Variants in OR1J2 observed in about 807,000 individuals in gnomAD.
OR1J2 encodes olfactory receptor 1J2.
For missense variants in OR1J2, 304 were observed against 246.1 expected, an observed-to-expected ratio of 1.24 and a Z score of -1.57; for synonymous variants, 142 against 99.7, an observed-to-expected ratio of 1.42 and a Z score of -2.52.
At chr9:122,453,606 T>G in the OR1J2 span, among the ~76,000 whole-genome samples, 2 of 152,210 alleles carry the variant, frequency 1.3e-5, no homozygotes, top group Non-Finnish European at 1.5e-5. Context: ...TCAGTTCAAG[T>G]ATCCCAAAGG....
At chr9:122,571,059 ATGT>A in the OR1J2 span, among the ~76,000 whole-genome samples, 4 of 152,192 alleles carry the variant, frequency 2.6e-5, no homozygotes, top group African/African-American at 9.6e-5. Flanking sequence ...CATTGGTGCT[ATGT>A]TTTCCTCACT....
the OR1J2 span, among the ~76,000 whole-genome samples, chr9:122,505,642 T>G: frequency 2.6e-5 from 4 of 152,304 alleles, no homozygotes; most frequent in Middle Eastern, 3.4e-3. Flanking sequence ...AACATTATTA[T>G]CTCAAGCTAT....
At chr9:122,492,175 C>G in the OR1J2 span, among the ~76,000 whole-genome samples, 2 of 151,970 alleles carry the variant, frequency 1.3e-5, no homozygotes, top group African/African-American at 4.8e-5. Context: ...TTTAACAGTT[C>G]CCAGTGTCCA....
the OR1J2 span, among the ~76,000 whole-genome samples, chr9:122,461,244 T>C: frequency 6.6e-6 from 1 of 152,202 alleles, no homozygotes; most frequent in Non-Finnish European, 1.5e-5. Context: ...ATGTTGGTTG[T>C]GGGTTTGTCT....
the OR1J2 span, among the ~76,000 whole-genome samples, chr9:122,532,658 A>G: frequency 6.6e-6 from 1 of 151,074 alleles, no homozygotes; most frequent in South Asian, 2.1e-4. Flanking sequence ...TGAGAGCTGT[A>G]GAGAGTGAGT....
At chr9:122,524,665 T>C in the OR1J2 span, among the ~76,000 whole-genome samples, 2 of 152,148 alleles carry the variant, frequency 1.3e-5, no homozygotes, top group African/African-American at 4.8e-5. Context: ...AGTGAGTGGA[T>C]TGAGGGTCCC....
chr9:122,519,132 A>G, the OR1J2 span: 1 of 1,569,312 alleles, frequency 6.4e-7, no homozygotes, highest in Non-Finnish European at 8.7e-7. Flanking sequence ...CAGAGAGAAG[A>G]CTGTCAGCAT....
At chr9:122,549,326 T>TGCTG in the OR1J2 span, among the ~76,000 whole-genome samples, 1 of 152,200 alleles carries the variant, frequency 6.6e-6, no homozygotes, top group Non-Finnish European at 1.5e-5. Context: ...CAGAAGCAGA[T>TGCTG]GCTGGCACTA....
At chr9:122,562,533 C>T in the OR1J2 span, among the ~76,000 whole-genome samples, 58 of 152,286 alleles carry the variant, frequency 3.8e-4, no homozygotes, top group African/African-American at 1.3e-3. Flanking sequence ...GTAGCACGCT[C>T]ACTCACCACC....
the OR1J2 span, chr9:122,568,548 A>G: frequency 1.1e-6 from 1 of 879,970 alleles, no homozygotes; most frequent in Non-Finnish European, 1.8e-6. Flanking sequence ...ACCAATCATG[A>G]GAACCTAGCA....
the OR1J2 span, among the ~76,000 whole-genome samples, chr9:122,451,182 T>C: frequency 1.5e-3 from 220 of 147,384 alleles, 1 homozygote; most frequent in African/African-American, 4.8e-3. Context: ...TTATTATTAT[T>C]ATTATTATTA....
the OR1J2 span, among the ~76,000 whole-genome samples, chr9:122,539,479 G>A: frequency 0.046 from 6,948 of 152,238 alleles, 222 homozygotes; most frequent in Middle Eastern, 0.075. Flanking sequence ...ATTCCATGGT[G>A]TATAGGTGCC....
the OR1J2 span, among the ~76,000 whole-genome samples, chr9:122,457,913 T>G: frequency 6.6e-6 from 1 of 152,204 alleles, no homozygotes; most frequent in Admixed American, 6.5e-5. Flanking sequence ...TTCCTGTAAT[T>G]TTTGTTGTTT....
chr9:122,451,042 T>G, the OR1J2 span, among the ~76,000 whole-genome samples: 41,432 of 151,780 alleles, frequency 0.27, 5,826 homozygotes, highest in South Asian at 0.35. Context: ...GCAGTTGGAA[T>G]TCTTTCCCAA....
the OR1J2 span, chr9:122,520,016 A>G: frequency 6.2e-7 from 1 of 1,614,142 alleles, no homozygotes. Context: ...TTTATAGCCT[A>G]AGGAACAGGG....
the OR1J2 span, among the ~76,000 whole-genome samples, chr9:122,465,173 C>T: frequency 2.0e-5 from 3 of 152,086 alleles, no homozygotes; most frequent in Non-Finnish European, 4.4e-5. Flanking sequence ...GCCAAATTAC[C>T]ACTAGGGGGC....
chr9:122,539,673 C>A, the OR1J2 span, among the ~76,000 whole-genome samples: 1 of 152,244 alleles, frequency 6.6e-6, no homozygotes, highest in East Asian at 1.9e-4. Context: ...AGTTCTAGAT[C>A]CCTGAGGAAT....
At chr9:122,451,152 C>CATG in the OR1J2 span, among the ~76,000 whole-genome samples, 2 of 137,584 alleles carry the variant, frequency 1.5e-5, no homozygotes, top group Non-Finnish European at 3.1e-5. Flanking sequence ...CTATCACCTG[C>CATG]ATTATTATTA....
At chr9:122,565,047 G>A in the OR1J2 span, among the ~76,000 whole-genome samples, 46,918 of 152,092 alleles carry the variant, frequency 0.31, 8,111 homozygotes, top group East Asian at 0.81. Context: ...ATACTTCCTC[G>A]TGAAATTTAT....
Sources: gnomAD v4.1 joint callset for allele counts (sites outside exome capture counted in the v4.1 genomes callset) on GRCh38, gnomAD v4.1.1 for gene constraint, MANE v1.5 for transcripts, NCBI Gene and HGNC (gene_info 2026-07-23, HGNC 2026-07-21) for gene names.